Variants in RTN3 observed in about 807,000 individuals in gnomAD.
RTN3 encodes reticulon 3, also known as reticulon-3.
RTN3 carries 49 observed loss-of-function variants against 77.8 expected under a neutral mutation model. The observed-to-expected ratio is 0.63, with a 90% CI of 0.50 to 0.80. The LOEUF is 0.80. Ranked by LOEUF, RTN3 falls within the 30% of genes least tolerant of loss-of-function variation. The pLI, the probability that RTN3 is intolerant of heterozygous loss-of-function variation, is 0.00. For missense variants in RTN3, 1,236 were observed against 1,211.9 expected, an observed-to-expected ratio of 1.02 and a Z score of -0.29; for synonymous variants, 464 against 446.9, an observed-to-expected ratio of 1.04 and a Z score of -0.48.
rs781739131 is a variant in RTN3, at chr11:63,720,153, A to G, written c.1651A>G (p.Thr551Ala). ...EIPSCEREEK[T>A]SKNFEELVSD... ...TCCCAGTTGTGAGAGAGAAGAAAAA[A>G]CATCTAAAAACTTTGAAGAATTGGT... Residue 551 changes from threonine (T) to alanine (A), a missense_variant, in exon 3 of 9, where the codon ACA (threonine) becomes GCA (alanine). By Grantham distance (58) the Thr-to-Ala change is moderately conservative. Around this residue, in one of 3 missense-constraint regions of RTN3, gnomAD observed 1,056 missense variants for 990.4 expected, o/e 1.07. Coordinates refer to ENST00000377819, the MANE Select transcript of RTN3 (RefSeq NM_001265589.2). 14 of 1,613,786 alleles carry G rather than the reference A, an allele frequency of 8.7e-6. No homozygotes were observed. The African/African-American group carries it at 1.9e-4, about 22-fold the overall frequency.
intron 1 of RTN3, among the ~76,000 whole-genome samples, chr11:63,696,512 A>G (rs879238431): frequency 3.3e-5 from 5 of 150,286 alleles, no homozygotes; most frequent in African/African-American, 1.2e-4. Context: ...GTTCAAGACC[A>G]GCTTGGATAA....
intron 1 of RTN3, among the ~76,000 whole-genome samples, chr11:63,689,377 T>C (rs906729701): frequency 2.0e-5 from 3 of 152,184 alleles, no homozygotes; most frequent in African/African-American, 7.2e-5. Flanking sequence ...TAGGGTATGG[T>C]GTTGATGTTT....
chr11:63,714,933 T>A (rs1016984510), intron 2 of RTN3, among the ~76,000 whole-genome samples: 1 of 152,168 alleles, frequency 6.6e-6, no homozygotes, highest in Non-Finnish European at 1.5e-5. Flanking sequence ...ACACCTAACT[T>A]GAAACTTTTG....
chr11:63,735,598 C>CTCTCTCTCTCTCTCTT (rs1238903324), intron 3 of RTN3, among the ~76,000 whole-genome samples: 4 of 147,876 alleles, frequency 2.7e-5, no homozygotes, highest in Non-Finnish European at 3.0e-5. Flanking sequence ...CTCTCTCTCT[C>CTCTCTCTCTCTCTCTT]TCTTTCTTTC....
chr11:63,681,590 C>T lies in RTN3; in HGVS notation c.-47C>T. On this transcript the variant is annotated 5_prime_UTR_variant, in exon 1 of 9. Transcript: ENST00000377819. ...TATTCTATTTCCCCTCCCTCTCTCC[C>T]GCCCCGTATCTCTTTTCACCCTTCT... 6.5e-7 allele frequency: 1 copy of T among 1,534,872 alleles called. No individual in the cohort carries two copies. The highest frequency in any genetic ancestry group is 1.4e-5 in the African/African-American group (1 of 71,228).
chr11:63,684,628 A>T (rs10897442), intron 1 of RTN3, among the ~76,000 whole-genome samples: 110,358 of 152,100 alleles, frequency 0.73, 42,176 homozygotes, highest in East Asian at 0.99. Context: ...TTATTACAGA[A>T]TTTGTATTTC....
chr11:63,716,575 A>T (rs1374240011), intron 2 of RTN3, among the ~76,000 whole-genome samples: 1 of 152,254 alleles, frequency 6.6e-6, no homozygotes, highest in South Asian at 2.1e-4. Flanking sequence ...TCATGCCTAT[A>T]ATCCCAGCAC....
chr11:63,711,904 G>T (rs1590818137), intron 2 of RTN3, among the ~76,000 whole-genome samples: 1 of 151,788 alleles, frequency 6.6e-6, no homozygotes, highest in African/African-American at 2.4e-5. Flanking sequence ...TCATTATTTT[G>T]CCCAGGCTCG....
At chr11:63,685,022 G>A (rs2134605530) in intron 1 of RTN3, among the ~76,000 whole-genome samples, 1 of 151,916 alleles carries the variant, frequency 6.6e-6, no homozygotes, top group Non-Finnish European at 1.5e-5. Flanking sequence ...GGCCTCCCAA[G>A]GTGTTGGGAT....
At position 63,725,905 on chromosome 11, in the gene RTN3, C is replaced by G. The variant is rs909804229; in HGVS notation, c.2530+4873C>G. Among the ~76,000 whole-genome samples the G allele has an allele frequency of 2.6e-5, 4 of 151,990 alleles. No homozygotes were observed. The East Asian group carries it at 5.8e-4, about 22-fold the overall frequency. ...GTGTCTTCTGTTATGTAAAAATGTT[C>G]GTAATTTATTAGTAAAAACTACATT... On this transcript the variant is annotated intron_variant, in intron 3 of 8. Coordinates refer to ENST00000377819, the MANE Select transcript of RTN3 (RefSeq NM_001265589.2).
intron 3 of RTN3, among the ~76,000 whole-genome samples, chr11:63,744,594 T>A (rs1324177886): frequency 6.6e-6 from 1 of 152,204 alleles, no homozygotes; most frequent in African/African-American, 2.4e-5. Context: ...TCTAATCTTA[T>A]GGGACTACAG....
intron 1 of RTN3, among the ~76,000 whole-genome samples, chr11:63,684,412 G>T (rs947202357): frequency 4.9e-4 from 74 of 152,198 alleles, no homozygotes; most frequent in African/African-American, 1.7e-3. Flanking sequence ...CTCCCAAAAT[G>T]CTGGGAATAC....
At chr11:63,736,847 A>T (rs895002436) in intron 3 of RTN3, among the ~76,000 whole-genome samples, 1 of 152,194 alleles carries the variant, frequency 6.6e-6, no homozygotes, top group African/African-American at 2.4e-5. Flanking sequence ...TATATAACTC[A>T]AATGCAAAAA....
Position 63,719,068 on chromosome 11 carries a change from G to A in RTN3, c.566G>A (p.Gly189Glu). ...QIDKETKNPNGVSSREAKTAL... is the reference protein window; with the variant it reads ...QIDKETKNPNEVSSREAKTAL... ...GATAAAGAGACCAAGAACCCAAATG[G>A]GGTATCAAGTAGGGAGGCTAAAACT... The change falls in exon 3 of 9, where the codon GGG becomes GAG. Residue 189 changes from glycine (G) to glutamate (E), a missense_variant. Physicochemically the swap from Gly to Glu is moderately conservative, Grantham distance 98. This residue lies in a region of RTN3 where 1,056 missense variants were observed against 990.4 expected (regional missense o/e 1.07). Transcript: ENST00000377819. 3 of 1,614,116 alleles carry A rather than the reference G, an allele frequency of 1.9e-6. No homozygotes were observed. The highest frequency in any genetic ancestry group is 1.7e-5 in the Admixed American group (1 of 60,002).
At chr11:63,716,994 A>AAG (rs10646469) in intron 2 of RTN3, among the ~76,000 whole-genome samples, 3 of 148,994 alleles carry the variant, frequency 2.0e-5, no homozygotes, top group Admixed American at 1.4e-4. Flanking sequence ...AAAAAAAAAA[A>AAG]AGAAAAGAAA....
intron 1 of RTN3, among the ~76,000 whole-genome samples, chr11:63,694,606 A>G (rs919494128): frequency 6.6e-6 from 1 of 151,620 alleles, no homozygotes; most frequent in Non-Finnish European, 1.5e-5. Context: ...CGGAGTAGCT[A>G]GGACTGTAGG....
At chr11:63,710,977 T>G (rs2011145198) in intron 2 of RTN3, among the ~76,000 whole-genome samples, 1 of 152,070 alleles carries the variant, frequency 6.6e-6, no homozygotes, top group Non-Finnish European at 1.5e-5. Context: ...TGTGAAACAT[T>G]TTGTTGAGGA....
At chr11:63,704,631 AAATG>A (rs1284826703) in intron 1 of RTN3, among the ~76,000 whole-genome samples, 3 of 152,322 alleles carry the variant, frequency 2.0e-5, no homozygotes, top group Admixed American at 6.5e-5. Flanking sequence ...AAAAAAAAAA[AAATG>A]AATGGATTAA....
rs546185082 is a variant in RTN3, at chr11:63,750,203, G to A, written c.2738+5G>A. 6.2e-7 allele frequency: 1 copy of A among 1,608,358 alleles called. No homozygotes were observed. Among genetic ancestry groups the A allele is most frequent in the Non-Finnish European group, 8.5e-7 (1 of 1,176,378 alleles). ...AGAAGAAGGCCATCCATTCAAGTGAGTTGAAGTCTTAAAAGCAACATTCTA... is the reference window on the plus strand; with the variant it reads ...AGAAGAAGGCCATCCATTCAAGTGAATTGAAGTCTTAAAAGCAACATTCTA... On this transcript the variant is annotated splice_donor_5th_base_variant and intron_variant, in intron 4 of 8. Transcript: ENST00000377819.
Sources: allele counts gnomAD v4.1 joint callset (sites outside exome capture counted in the v4.1 genomes callset), GRCh38; gene constraint gnomAD v4.1.1; regional missense constraint gnomAD v4.1.1; transcripts MANE v1.5; gene names NCBI Gene and HGNC (gene_info 2026-07-23, HGNC 2026-07-21).